RANBP2: variants seen among roughly 807,000 people sequenced by gnomAD.
RANBP2 encodes RAN binding protein 2.
A neutral mutation model predicts 303.6 loss-of-function variants in RANBP2; 57 were observed. That is an observed-to-expected ratio of 0.19 (90% CI 0.15 to 0.23). The LOEUF is 0.23. Ranked by LOEUF, RANBP2 falls within the 10% of genes least tolerant of loss-of-function variation. The pLI is 1.00. For synonymous variants in RANBP2, 1,167 were observed against 1,301.5 expected (o/e 0.90, Z 2.23); for missense variants, 3,138 against 3,780.8 (o/e 0.83, Z 4.46).
chr2:109,373,571 GT>G, the RANBP2 span, among the ~76,000 whole-genome samples: 3 of 151,466 alleles, frequency 2.0e-5, no homozygotes, highest in African/African-American at 7.3e-5. Context: ...TGCCGTATGG[GT>G]TTTTTTAGGA....
the RANBP2 span, among the ~76,000 whole-genome samples, chr2:109,458,601 A>AGAGAG: frequency 6.7e-6 from 1 of 149,040 alleles, no homozygotes; most frequent in African/African-American, 2.5e-5. Flanking sequence ...AGAGAGAGAG[A>AGAGAG]ATTTATTTAT....
the RANBP2 span, among the ~76,000 whole-genome samples, chr2:109,102,296 T>G: frequency 6.6e-6 from 1 of 151,864 alleles, no homozygotes; most frequent in African/African-American, 2.4e-5. Flanking sequence ...GAGACGGGGT[T>G]TCACCGTGTT....
the RANBP2 span, among the ~76,000 whole-genome samples, chr2:108,998,368 C>T: frequency 2.6e-5 from 4 of 152,174 alleles, no homozygotes; most frequent in Non-Finnish European, 5.9e-5. Flanking sequence ...GACTCCTGCA[C>T]TTAATTTTGA....
chr2:109,346,085 T>G, the RANBP2 span, among the ~76,000 whole-genome samples: 1 of 152,256 alleles, frequency 6.6e-6, no homozygotes, highest in Non-Finnish European at 1.5e-5. Context: ...TCTTGCAAAT[T>G]ACCCCTTGCC....
chr2:109,101,798 T>C, the RANBP2 span, among the ~76,000 whole-genome samples: 3 of 152,284 alleles, frequency 2.0e-5, no homozygotes, highest in East Asian at 5.8e-4. Context: ...ATGCAGAGGA[T>C]GGAGTTGCCT....
At chr2:109,189,150 G>A in the RANBP2 span, among the ~76,000 whole-genome samples, 4 of 151,838 alleles carry the variant, frequency 2.6e-5, no homozygotes, top group Admixed American at 6.6e-5. Flanking sequence ...CTGTGACCTC[G>A]CTGACAGTGT....
the RANBP2 span, among the ~76,000 whole-genome samples, chr2:109,352,402 G>C: frequency 9.2e-5 from 14 of 152,176 alleles, no homozygotes; most frequent in African/African-American, 2.7e-4. Flanking sequence ...GATTGCCTGG[G>C]GGTAGCGGAG....
the RANBP2 span, among the ~76,000 whole-genome samples, chr2:108,890,355 C>T: frequency 6.6e-6 from 1 of 151,872 alleles, no homozygotes; most frequent in Admixed American, 6.6e-5. Flanking sequence ...AGCAATCCTC[C>T]AACCTCAGCC....
At chr2:108,846,132 A>T in the RANBP2 span, among the ~76,000 whole-genome samples, 1 of 152,182 alleles carries the variant, frequency 6.6e-6, no homozygotes, top group Non-Finnish European at 1.5e-5. Flanking sequence ...GATGTGCCTG[A>T]TAAGCTGGTT....
rs1459911339 is a variant in RANBP2, at chr2:108,782,854, G to T, written c.9361G>T (p.Val3121Phe). 1 of 1,612,382 alleles carries T rather than the reference G, an allele frequency of 6.2e-7. No individual in the cohort carries two copies. The highest frequency in any genetic ancestry group is 8.5e-7 in the Non-Finnish European group (1 of 1,179,404). The change falls in exon 28 of 29, where the codon GTT becomes TTT. Residue 3121 changes from valine to phenylalanine, a missense_variant. Transcript: ENST00000283195. ...TTTTCACAGAGTAATTCCAGATTTT[G>T]TTTGCCAAGTAGGTATTATTAAGTA... ...SIFHRVIPDFVCQGGDITKHD... is the reference protein window; with the variant it reads ...SIFHRVIPDFFCQGGDITKHD...
the RANBP2 span, among the ~76,000 whole-genome samples, chr2:109,088,372 G>A: frequency 2.2e-5 from 3 of 136,474 alleles, no homozygotes; most frequent in African/African-American, 8.3e-5. Flanking sequence ...ACTCCAGCCT[G>A]GGTGACAGAG....
At chr2:109,266,661 A>G in the RANBP2 span, among the ~76,000 whole-genome samples, 26 of 151,868 alleles carry the variant, frequency 1.7e-4, no homozygotes, top group African/African-American at 6.3e-4. Flanking sequence ...CACAAAGGGC[A>G]GCTCAGGAGC....
downstream of RANBP2, chr2:108,786,680 G>GGTCGC: frequency 1.4e-6 from 1 of 724,404 alleles, no homozygotes; most frequent in Non-Finnish European, 2.4e-6. Context: ...GCAGTCTCCG[G>GGTCGC]GTCGCCCCGC....
chr2:109,392,673 C>T, the RANBP2 span, among the ~76,000 whole-genome samples: 26 of 152,136 alleles, frequency 1.7e-4, no homozygotes, highest in Non-Finnish European at 3.4e-4. Flanking sequence ...CGCCTGCCAC[C>T]ACGCCCGGCT....
chr2:109,199,841 A>C, the RANBP2 span, among the ~76,000 whole-genome samples: 1 of 151,770 alleles, frequency 6.6e-6, no homozygotes, highest in Non-Finnish European at 1.5e-5. Flanking sequence ...ATGGAATGGA[A>C]TGGAATGGAA....
chr2:108,772,004 AT>A (rs1360555396), intron 21 of RANBP2, 133 bp downstream of exon 21: 6 of 1,146,512 alleles, frequency 5.2e-6, no homozygotes, highest in Non-Finnish European at 7.6e-6. Context: ...TTTACCCTAA[AT>A]GTATGTGTAA....
the RANBP2 span, among the ~76,000 whole-genome samples, chr2:109,438,211 A>C: frequency 2.0e-5 from 3 of 152,186 alleles, no homozygotes; most frequent in Admixed American, 1.3e-4. Context: ...AAGGGGTGGG[A>C]GGTAAGTGTC....
At chr2:109,409,993 A>G in the RANBP2 span, among the ~76,000 whole-genome samples, 1 of 152,172 alleles carries the variant, frequency 6.6e-6, no homozygotes, top group African/African-American at 2.4e-5. Flanking sequence ...GTGTCAAAGA[A>G]AGAGACTCGG....
At chr2:109,339,789 A>G in the RANBP2 span, among the ~76,000 whole-genome samples, 5 of 152,218 alleles carry the variant, frequency 3.3e-5, no homozygotes, top group East Asian at 1.9e-4. Flanking sequence ...GAAGTGAGCA[A>G]TGCATCTCTG....
Sources: allele counts gnomAD v4.1 joint callset (sites outside exome capture counted in the v4.1 genomes callset), GRCh38; gene constraint gnomAD v4.1.1; transcripts MANE v1.5; gene names NCBI Gene and HGNC (gene_info 2026-07-23, HGNC 2026-07-21).